Variants in SLC39A12 observed in about 807,000 individuals in gnomAD.
SLC39A12 encodes the protein solute carrier family 39 member 12.
SLC39A12 carries 63 observed loss-of-function variants against 71.1 expected under a neutral mutation model. The observed-to-expected ratio is 0.89, with a 90% CI of 0.72 to 1.09. The LOEUF is 1.09. Among genes scored for constraint, SLC39A12 ranks in the 50% least tolerant of loss-of-function variants. The pLI is 0.00. For missense variants in SLC39A12, 892 were observed against 812.6 expected (o/e 1.10, Z -1.19); for synonymous variants, 351 against 301.3 (o/e 1.16, Z -1.71).
chr10:17,963,098 T>G (rs1589220234), intron 3 of SLC39A12, among the ~76,000 whole-genome samples: 1 of 151,938 alleles, frequency 6.6e-6, no homozygotes, highest in South Asian at 2.1e-4. Flanking sequence ...GAGTTTGAGG[T>G]TACAGTGAAC....
chr10:18,036,523 C>T (rs1837026867), intron 12 of SLC39A12, among the ~76,000 whole-genome samples: 1 of 151,720 alleles, frequency 6.6e-6, no homozygotes, highest in Admixed American at 6.6e-5. Flanking sequence ...ACGGTGCGCG[C>T]ACCCACTGGC....
chr10:18,003,326 G>T lies in SLC39A12; in HGVS notation c.1915G>T (p.Gly639Trp). The T allele has an allele frequency of 6.2e-7, 1 of 1,612,868 alleles. No individual in the cohort carries two copies. The highest frequency in any genetic ancestry group is 8.5e-7 in the Non-Finnish European group (1 of 1,179,764). The change falls in exon 12 of 13, where the codon GGG becomes TGG. Residue 639 changes from glycine to tryptophan, a missense_variant. Physicochemically the swap from Gly to Trp is radical, Grantham distance 184. Transcript: ENST00000377369. ...AGACTGGATCTTCACAGTCACTGCT[G>T]GGATGTTCTTATATTTATCCTTGGT... ...VQDWIFTVTAGMFLYLSLVEM... is the reference protein window; with the variant it reads ...VQDWIFTVTAWMFLYLSLVEM...
chr10:17,971,336 A>G (rs1834970045), intron 4 of SLC39A12, among the ~76,000 whole-genome samples: 1 of 122,186 alleles, frequency 8.2e-6, no homozygotes, highest in Non-Finnish European at 1.6e-5. Flanking sequence ...GTATTAGGGC[A>G]ATATTGGCCT....
chr10:18,029,888 A>T (rs563832768), intron 12 of SLC39A12, among the ~76,000 whole-genome samples: 1 of 151,312 alleles, frequency 6.6e-6, no homozygotes, highest in East Asian at 1.9e-4. Flanking sequence ...GGCTAAAATG[A>T]TGGAAAAAAT....
chr10:17,980,886 A>G (rs2130808294), intron 5 of SLC39A12, among the ~76,000 whole-genome samples: 1 of 152,286 alleles, frequency 6.6e-6, no homozygotes, highest in South Asian at 2.1e-4. Context: ...ACTAAATCAA[A>G]CAGTATGAAA....
chr10:17,977,192 T>G (rs1312007337), intron 4 of SLC39A12, among the ~76,000 whole-genome samples: 1 of 152,080 alleles, frequency 6.6e-6, no homozygotes, highest in African/African-American at 2.4e-5. Flanking sequence ...CTATTGATTT[T>G]TTATTGTCAA....
chr10:17,956,165 T>C (rs955343658), intron 2 of SLC39A12, among the ~76,000 whole-genome samples: 1 of 152,134 alleles, frequency 6.6e-6, no homozygotes, highest in African/African-American at 2.4e-5. Context: ...CACGGACATG[T>C]GTGCTCCCCG....
chr10:17,961,630 A>G lies in SLC39A12; in HGVS notation c.311A>G (p.Asp104Gly). ...LLLIAGGNFE[D>G]QLREEVVQRV... ...CTAATAGCTGGAGGAAATTTTGAAG[A>G]TCAGCTTAGAGAAGAAGTGGTCCAG... The change falls in exon 3 of 13, where the codon GAT becomes GGT. Residue 104 changes from aspartate to glycine, a missense_variant. Coordinates refer to ENST00000377369, the MANE Select transcript of SLC39A12 (RefSeq NM_001145195.2). 6.2e-7 allele frequency: 1 copy of G among 1,613,950 alleles called. No individual in the cohort carries two copies. The highest frequency in any genetic ancestry group is 2.2e-5 in the East Asian group (1 of 44,862).
Position 17,983,595 on chromosome 10 carries a change from A to G in SLC39A12, c.1096+2112A>G, listed in dbSNP as rs181231019. On this transcript the variant is annotated intron_variant, in intron 6 of 12. Coordinates refer to ENST00000377369, the MANE Select transcript of SLC39A12 (RefSeq NM_001145195.2). ...TCAGGAGTTCGAGACCAGCCTGGCC[A>G]ACATGGTAAAACCCCGTCTCTACTA... Among the ~76,000 whole-genome samples the G allele has an allele frequency of 5.3e-3, 810 of 152,256 alleles. 7 individuals are homozygous for G. Among genetic ancestry groups the G allele is most frequent in the African/African-American group, 0.019 (782 of 41,548 alleles).
chr10:17,984,608 T>C (rs1332209229), intron 6 of SLC39A12, among the ~76,000 whole-genome samples: 2 of 152,234 alleles, frequency 1.3e-5, no homozygotes, highest in African/African-American at 4.8e-5. Context: ...ATATGAAACT[T>C]AGTTGAAGAT....
At chr10:18,023,436 G>C (rs1836589544) in intron 12 of SLC39A12, among the ~76,000 whole-genome samples, 1 of 152,154 alleles carries the variant, frequency 6.6e-6, no homozygotes, top group South Asian at 2.1e-4. Context: ...TGGTGGTAGG[G>C]GACCAGGTAG....
chr10:18,035,826 G>A (rs1314103506), intron 12 of SLC39A12, among the ~76,000 whole-genome samples: 1 of 152,254 alleles, frequency 6.6e-6, no homozygotes, highest in Admixed American at 6.5e-5. Context: ...ATGGGTTTTC[G>A]GTGTGGATGT....
chr10:18,004,726 C>G (rs1264052801), intron 12 of SLC39A12, among the ~76,000 whole-genome samples: 1 of 152,006 alleles, frequency 6.6e-6, no homozygotes, highest in Non-Finnish European at 1.5e-5. Context: ...TTTGACCCAG[C>G]AATCCCATTG....
At chr10:17,996,198 A>G (rs187179260) in intron 10 of SLC39A12, among the ~76,000 whole-genome samples, 1 of 152,282 alleles carries the variant, frequency 6.6e-6, no homozygotes, top group East Asian at 1.9e-4. Flanking sequence ...TTCACATCTT[A>G]TTCTATAACT....
intron 12 of SLC39A12, among the ~76,000 whole-genome samples, chr10:18,030,591 G>A (rs1272165330): frequency 1.3e-5 from 2 of 149,288 alleles, no homozygotes; most frequent in Non-Finnish European, 3.0e-5. Flanking sequence ...CCAGTACTGT[G>A]ATATATTTTT....
chr10:18,008,059 A>G (rs551247039), intron 12 of SLC39A12, among the ~76,000 whole-genome samples: 1 of 152,304 alleles, frequency 6.6e-6, no homozygotes, highest in East Asian at 1.9e-4. Context: ...ATCCACTAAT[A>G]TAGGGAGCCC....
At chr10:17,971,429 G>A (rs1564642144) in intron 4 of SLC39A12, among the ~76,000 whole-genome samples, 1 of 151,774 alleles carries the variant, frequency 6.6e-6, no homozygotes. Context: ...CTTCTTAAAT[G>A]TTTGGTAGAA....
chr10:18,037,072 C>G (rs546969242), intron 12 of SLC39A12, among the ~76,000 whole-genome samples: 1 of 152,016 alleles, frequency 6.6e-6, no homozygotes, highest in African/African-American at 2.4e-5. Flanking sequence ...CAGGTGTGAG[C>G]CACCATGCCC....
chr10:17,995,351 A>C (rs144167353), intron 9 of SLC39A12, among the ~76,000 whole-genome samples: 3 of 152,232 alleles, frequency 2.0e-5, no homozygotes, highest in African/African-American at 7.2e-5. Context: ...TTTGAATTTC[A>C]TAAAGGCTTA....
Sources: allele counts gnomAD v4.1 joint callset (sites outside exome capture counted in the v4.1 genomes callset), GRCh38; gene constraint gnomAD v4.1.1; transcripts MANE v1.5; gene names NCBI Gene and HGNC (gene_info 2026-07-23, HGNC 2026-07-21).